Variants in STARD3NL observed in about 807,000 individuals in gnomAD.
STARD3NL encodes STARD3 N-terminal like.
A neutral mutation model predicts 30.9 loss-of-function variants in STARD3NL; 17 were observed. That is an observed-to-expected ratio of 0.55 (90% CI 0.38 to 0.82). STARD3NL has a LOEUF of 0.82. Ranked by LOEUF, STARD3NL falls within the 40% of genes least tolerant of loss-of-function variation. The pLI is 0.00. For missense variants in STARD3NL, 234 were observed against 277.6 expected, an observed-to-expected ratio of 0.84 and a Z score of 1.12; for synonymous variants, 112 against 100.5, an observed-to-expected ratio of 1.11 and a Z score of -0.69.
chr7:38,210,060 G>A (rs1029406565), intron 2 of STARD3NL, among the ~76,000 whole-genome samples: 1 of 152,124 alleles, frequency 6.6e-6, no homozygotes, highest in African/African-American at 2.4e-5. Context: ...GTTTTGAATT[G>A]TCAGTCTTGA....
At chr7:38,187,107 G>A (rs1326319259) in intron 1 of STARD3NL, among the ~76,000 whole-genome samples, 1 of 152,136 alleles carries the variant, frequency 6.6e-6, no homozygotes, top group Non-Finnish European at 1.5e-5. Flanking sequence ...TGAACGAGTG[G>A]TGAGACCCAG....
At chr7:38,215,322 A>C in intron 4 of STARD3NL, 1 of 515,242 alleles carries the variant, frequency 1.9e-6, no homozygotes, top group Non-Finnish European at 3.4e-6. Context: ...GTGCTGAGCC[A>C]AATGAGGAAT....
chr7:38,199,290 A>G (rs1785067562), intron 1 of STARD3NL, among the ~76,000 whole-genome samples: 1 of 152,186 alleles, frequency 6.6e-6, no homozygotes, highest in Non-Finnish European at 1.5e-5. Flanking sequence ...TTGAATATTT[A>G]ATACTTCTGA....
chr7:38,190,078 GC>G (rs1267582655), intron 1 of STARD3NL, among the ~76,000 whole-genome samples: 1 of 152,174 alleles, frequency 6.6e-6, no homozygotes, highest in East Asian at 1.9e-4. Context: ...TACATTTCAA[GC>G]CCCCCCAGGG....
At chr7:38,224,615 C>G (rs1236409920) in intron 7 of STARD3NL, among the ~76,000 whole-genome samples, 2 of 151,802 alleles carry the variant, frequency 1.3e-5, no homozygotes, top group South Asian at 2.1e-4. Flanking sequence ...CTCTGTCCAG[C>G]AGATCCACAC....
At chr7:38,215,630 C>T (rs901268008) in intron 4 of STARD3NL, 1 of 153,370 alleles carries the variant, frequency 6.5e-6, no homozygotes, top group Non-Finnish European at 1.5e-5. Flanking sequence ...TGGCATCTAG[C>T]ACAGAGAGCT....
intron 7 of STARD3NL, among the ~76,000 whole-genome samples, chr7:38,226,149 C>CTTGTTTT (rs1554298921): frequency 1.9e-5 from 1 of 51,740 alleles, no homozygotes; most frequent in Non-Finnish European, 3.6e-5. Context: ...CTTTGCCTAT[C>CTTGTTTT]TTGTTTTTTT....
At chr7:38,190,812 C>A (rs1481071143) in intron 1 of STARD3NL, among the ~76,000 whole-genome samples, 1 of 152,190 alleles carries the variant, frequency 6.6e-6, no homozygotes, top group Non-Finnish European at 1.5e-5. Flanking sequence ...ACATTGACTT[C>A]TCTGAAGAGT....
chr7:38,211,624 G>T (rs10225030), intron 2 of STARD3NL, among the ~76,000 whole-genome samples: 12,325 of 152,168 alleles, frequency 0.081, 548 homozygotes, highest in African/African-American at 0.1. Context: ...CTGCAATGGT[G>T]AGCTGTTACA....
intron 4 of STARD3NL, 63 bp downstream of exon 4, chr7:38,215,168 A>G: frequency 1.3e-6 from 2 of 1,487,446 alleles, no homozygotes; most frequent in Non-Finnish European, 1.9e-6. Flanking sequence ...CCTGCTCTCA[A>G]CAGGCCTGGG....
intron 7 of STARD3NL, among the ~76,000 whole-genome samples, chr7:38,226,173 T>TTTTG (rs1786755782): frequency 1.4e-5 from 2 of 142,212 alleles, no homozygotes; most frequent in Admixed American, 7.4e-5. Context: ...TTTTTTTTTT[T>TTTTG]TGATGAAAAG....
intron 1 of STARD3NL, among the ~76,000 whole-genome samples, chr7:38,186,067 T>C (rs1183843743): frequency 6.6e-6 from 1 of 152,210 alleles, no homozygotes; most frequent in East Asian, 1.9e-4. Context: ...AGTTCCTTAA[T>C]TGAGGGACCT....
rs1194155105 is a variant in STARD3NL at position 38,219,648 on chromosome 7, G to A, written c.637G>A (p.Glu213Lys). ...LSDGQFYSPP[E>K]SEAGSEEAEE... ...TGATGGTCAGTTTTATTCCCCTCCT[G>A]AATCCGAAGCAGGTAAAAAACTTGA... is the stretch of plus-strand genomic sequence containing the variant. Residue 213 changes from glutamate (E) to lysine (K), a missense_variant, in exon 7 of 9, where the codon GAA becomes AAA. Transcript: ENST00000009041. The A allele has an allele frequency of 6.2e-7, 1 of 1,612,060 alleles. No individual in the cohort carries two copies. Among genetic ancestry groups the A allele is most frequent in the Non-Finnish European group, 8.5e-7 (1 of 1,178,608 alleles).
At position 38,215,141 on chromosome 7, in the gene STARD3NL, A is replaced by G. The variant is rs949547630; in HGVS notation, c.381+36A>G. On this transcript the variant is annotated intron_variant, in intron 4 of 8. Coordinates refer to ENST00000009041, the MANE Select transcript of STARD3NL (RefSeq NM_032016.4). ...CCTGCATGAGTGGGTCATCTCCTCCAGTGCTGGTGGCCAAGTCCTGCTCTC... is the reference window on the plus strand; with the variant it reads ...CCTGCATGAGTGGGTCATCTCCTCCGGTGCTGGTGGCCAAGTCCTGCTCTC... 4 of 1,600,856 alleles carry G rather than the reference A, an allele frequency of 2.5e-6. No homozygotes were observed. The South Asian group carries it at 4.4e-5, about 18-fold the overall frequency.
At chr7:38,227,477 C>T (rs1268091227) in intron 7 of STARD3NL, among the ~76,000 whole-genome samples, 1 of 152,212 alleles carries the variant, frequency 6.6e-6, no homozygotes, top group Non-Finnish European at 1.5e-5. Context: ...GATTATCAGG[C>T]ATTCTTTCCC....
In STARD3NL at chr7:38,230,048, T is replaced by C. The variant is rs1485598620; in HGVS notation, c.*143T>C. The stretch of plus-strand genomic sequence containing the variant: ...TTATTGAACAGCTAATAAAGATTTA[T>C]TTATTGTAATACCTCACAGACGTTG... On this transcript the variant is annotated 3_prime_UTR_variant, in exon 9 of 9. Coordinates refer to ENST00000009041, the MANE Select transcript of STARD3NL (RefSeq NM_032016.4). The C allele has an allele frequency of 6.6e-6, 1 of 152,662 alleles. No individual in the cohort carries two copies. Among genetic ancestry groups the C allele is most frequent in the Non-Finnish European group, 1.5e-5 (1 of 68,046 alleles). 9.5% of individuals were successfully genotyped at this position (152,662 alleles called of 1,614,324 possible). A position where few individuals can be genotyped will look rare whatever the true frequency, so the allele number is the denominator to read the frequency against.
chr7:38,204,754 AG>A (rs1785363612), intron 1 of STARD3NL, among the ~76,000 whole-genome samples: 1 of 152,170 alleles, frequency 6.6e-6, no homozygotes. Flanking sequence ...CTAATAAAGA[AG>A]AAAAGAGAGA....
chr7:38,220,025 A>T (rs776846233), intron 7 of STARD3NL, among the ~76,000 whole-genome samples: 104 of 152,184 alleles, frequency 6.8e-4, no homozygotes, highest in Non-Finnish European at 1.2e-3. Flanking sequence ...CCCAGCTCAA[A>T]CACCAGAGCC....
At chr7:38,222,141 T>TCTCACACACA (rs71558111) in intron 7 of STARD3NL, among the ~76,000 whole-genome samples, 1 of 144,196 alleles carries the variant, frequency 6.9e-6, no homozygotes, top group African/African-American at 2.6e-5. Context: ...GTTAATATTT[T>TCTCACACACA]CACACACACA....
Sources: allele counts gnomAD v4.1 joint callset (sites outside exome capture counted in the v4.1 genomes callset), GRCh38; gene constraint gnomAD v4.1.1; transcripts MANE v1.5; gene names NCBI Gene and HGNC (gene_info 2026-07-23, HGNC 2026-07-21).